AKT3: variants seen among roughly 807,000 people sequenced by gnomAD.
AKT3 encodes AKT serine/threonine kinase 3.
A neutral mutation model predicts 65.3 loss-of-function variants in AKT3; 15 were observed. The observed-to-expected ratio is 0.23, with a 90% CI of 0.15 to 0.35. The LOEUF is 0.35. Ranked by LOEUF, AKT3 falls within the 10% of genes least tolerant of loss-of-function variation. The pLI, the probability that AKT3 is intolerant of heterozygous loss-of-function variation, is 1.00. For synonymous variants in AKT3, 206 were observed against 183.8 expected (o/e 1.12, Z -0.98); for missense variants, 243 against 576.5 (o/e 0.42, Z 5.92).
intron 2 of AKT3, among the ~76,000 whole-genome samples, chr1:243,745,293 T>C (rs367575010): frequency 6.6e-6 from 1 of 152,150 alleles, no homozygotes; most frequent in East Asian, 1.9e-4. Flanking sequence ...TGAGCTATGA[T>C]CATGCCACTG....
chr1:243,571,068 C>T (rs753335285), intron 9 of AKT3, among the ~76,000 whole-genome samples: 3 of 152,120 alleles, frequency 2.0e-5, no homozygotes, highest in Non-Finnish European at 4.4e-5. Flanking sequence ...GCCTGTAATC[C>T]CAGCATTTTG....
At chr1:243,778,568 A>G (rs1451316543) in intron 2 of AKT3, among the ~76,000 whole-genome samples, 1 of 152,200 alleles carries the variant, frequency 6.6e-6, no homozygotes, top group Non-Finnish European at 1.5e-5. Flanking sequence ...GGCTTTCCAT[A>G]CTGTGTTAAG....
intron 2 of AKT3, among the ~76,000 whole-genome samples, chr1:243,778,907 T>G (rs2148300999): frequency 6.7e-6 from 1 of 148,682 alleles, no homozygotes; most frequent in Non-Finnish European, 1.5e-5. Flanking sequence ...ATATAAATAC[T>G]ATTCTTCCGA....
At chr1:243,538,815 G>A (rs940305932) in intron 12 of AKT3, among the ~76,000 whole-genome samples, 3 of 150,394 alleles carry the variant, frequency 2.0e-5, no homozygotes, top group African/African-American at 4.9e-5. Flanking sequence ...GCACAAAATA[G>A]CAAGACCCCA....
intron 4 of AKT3, among the ~76,000 whole-genome samples, chr1:243,664,152 T>C (rs1249059889): frequency 6.6e-6 from 1 of 151,762 alleles, no homozygotes; most frequent in African/African-American, 2.4e-5. Flanking sequence ...ATTATACAAT[T>C]TTTTAAAAAA....
chr1:243,653,191 A>G (rs1298827857), intron 4 of AKT3, among the ~76,000 whole-genome samples: 1 of 152,200 alleles, frequency 6.6e-6, no homozygotes, highest in Admixed American at 6.5e-5. Context: ...AGAAATACAA[A>G]CTACCATCAG....
intron 2 of AKT3, among the ~76,000 whole-genome samples, chr1:243,839,561 A>C (rs948234549): frequency 6.6e-6 from 1 of 152,192 alleles, no homozygotes; most frequent in Non-Finnish European, 1.5e-5. Flanking sequence ...AACTGTCCAG[A>C]AAAGTGTAAA....
intron 2 of AKT3, among the ~76,000 whole-genome samples, chr1:243,759,366 T>C (rs1360074908): frequency 6.6e-6 from 1 of 151,562 alleles, no homozygotes; most frequent in African/African-American, 2.4e-5. Flanking sequence ...AAAAATAAAA[T>C]AAAATAATAC....
At chr1:243,625,364 C>A (rs1037921279) in intron 6 of AKT3, among the ~76,000 whole-genome samples, 1 of 151,972 alleles carries the variant, frequency 6.6e-6, no homozygotes, top group Non-Finnish European at 1.5e-5. Flanking sequence ...AACTCCTGGC[C>A]TCAAGTGATC....
chr1:243,602,175 A>G (rs758151876), intron 8 of AKT3, among the ~76,000 whole-genome samples: 3 of 152,240 alleles, frequency 2.0e-5, no homozygotes, highest in African/African-American at 7.2e-5. Flanking sequence ...CATTTAATGC[A>G]GTGAGATACT....
chr1:243,827,820 A>G (rs1287753272), intron 2 of AKT3, among the ~76,000 whole-genome samples: 1 of 152,136 alleles, frequency 6.6e-6, no homozygotes, highest in Non-Finnish European at 1.5e-5. Context: ...AATTTTTGTA[A>G]TTACTACAGA....
chr1:243,716,662 G>C (rs1430723121), intron 2 of AKT3, among the ~76,000 whole-genome samples: 2 of 152,078 alleles, frequency 1.3e-5, no homozygotes, highest in East Asian at 3.8e-4. Flanking sequence ...ACCTAACATA[G>C]AATTTTAAAT....
chr1:243,850,050 G>C lies in AKT3; in HGVS notation c.-123C>G. The C allele has an allele frequency of 1.0e-6, 1 of 962,600 alleles. No individual in the cohort carries two copies. Among genetic ancestry groups the C allele is most frequent in the Non-Finnish European group, 1.2e-6 (1 of 830,152 alleles). 59.6% of individuals were successfully genotyped at this position (962,600 alleles called of 1,614,324 possible). ...GGCGGTGGCTGTTACCTGCAACGGCGGCGGCGGCGGTGGCGGCCCCGCAGC... is the reference window on the plus strand; with the variant it reads ...GGCGGTGGCTGTTACCTGCAACGGCCGCGGCGGCGGTGGCGGCCCCGCAGC... On this transcript the variant is annotated 5_prime_UTR_variant, in exon 1 of 14. Coordinates refer to ENST00000673466, the MANE Select transcript of AKT3 (RefSeq NM_005465.7).
At chr1:243,702,126 A>G (rs1273599446) in intron 2 of AKT3, among the ~76,000 whole-genome samples, 1 of 137,952 alleles carries the variant, frequency 7.2e-6, no homozygotes, top group Non-Finnish European at 1.6e-5. Context: ...AAAAAAAAAA[A>G]AGCTGGCCAT....
At chr1:243,845,044 G>A (rs1479329662) in intron 1 of AKT3, among the ~76,000 whole-genome samples, 1 of 152,160 alleles carries the variant, frequency 6.6e-6, no homozygotes, top group African/African-American at 2.4e-5. Flanking sequence ...AACTTGGTTT[G>A]TGATAAATGA....
intron 2 of AKT3, among the ~76,000 whole-genome samples, chr1:243,807,644 G>A (rs988089232): frequency 3.9e-5 from 6 of 152,180 alleles, no homozygotes; most frequent in African/African-American, 1.4e-4. Flanking sequence ...AGAGACCTCT[G>A]CAGACTTAAA....
chr1:243,666,320 T>C lies in AKT3; in HGVS notation c.173-1437A>G, dbSNP rs115881685. Reference sequence around the variant, plus strand: ...TATCCAGCCCCAGATTAGCTCTTTATTGGCCCTTTACACTGAGAGAAATCA... The same window carrying C: ...TATCCAGCCCCAGATTAGCTCTTTACTGGCCCTTTACACTGAGAGAAATCA... On this transcript the variant is annotated intron_variant, in intron 3 of 13. Coordinates refer to ENST00000673466, the MANE Select transcript of AKT3 (RefSeq NM_005465.7). 3.5e-3 allele frequency among the ~76,000 whole-genome samples: 537 copies of C among 152,302 alleles called. 5 individuals carry two copies. The highest frequency in any genetic ancestry group is 0.017 in the Middle Eastern group (5 of 294).
At chr1:243,694,354 AT>A (rs1287245433) in intron 3 of AKT3, among the ~76,000 whole-genome samples, 2 of 152,142 alleles carry the variant, frequency 1.3e-5, no homozygotes, top group Admixed American at 6.6e-5. Context: ...ACAATATATT[AT>A]TTCAGTTGAC....
intron 3 of AKT3, among the ~76,000 whole-genome samples, chr1:243,688,599 G>T (rs773581658): frequency 1.3e-5 from 2 of 152,124 alleles, no homozygotes; most frequent in South Asian, 2.1e-4. Context: ...ATGAAGCACT[G>T]AGCTAGGATG....
Sources: gnomAD v4.1 joint callset for allele counts (sites outside exome capture counted in the v4.1 genomes callset) on GRCh38, gnomAD v4.1.1 for gene constraint, MANE v1.5 for transcripts, NCBI Gene and HGNC (gene_info 2026-07-23, HGNC 2026-07-21) for gene names.